The following DLGAP1 variants were observed in gnomAD, a reference collection of about 807,000 sequenced individuals.
The protein encoded by DLGAP1 is disks large-associated protein 1.
Under a neutral mutation model 90.8 loss-of-function variants are expected in DLGAP1, and 11 were observed. The observed-to-expected ratio is 0.12, with a 90% CI of 0.08 to 0.20. The LOEUF is 0.20. Ranked by LOEUF, DLGAP1 falls within the 10% of genes least tolerant of loss-of-function variation. DLGAP1 has a pLI of 1.00. For synonymous variants in DLGAP1, 558 were observed against 540.7 expected (o/e 1.03, Z -0.44); for missense variants, 1,050 against 1,333.8 (o/e 0.79, Z 3.31).
intron 3 of DLGAP1, chr18:3,977,951 A>G: frequency 2.8e-6 from 1 of 355,456 alleles, no homozygotes; most frequent in Non-Finnish European, 5.5e-6. Flanking sequence ...CATGCCAGTA[A>G]GCTTTCTATT....
rs1220390825 is a variant in DLGAP1, at chr18:3,694,918, A to G, written c.1591+34217T>C. Among the ~76,000 whole-genome samples the G allele has an allele frequency of 4.5e-5, 6 of 133,360 alleles. No individual in the cohort carries two copies. In the East Asian group the frequency reaches 1.0e-3, roughly 23 times the overall value. 87.5% of individuals were successfully genotyped at this position (133,360 alleles called of 152,430 possible). ...TTTGTCAATTTTGGCTTTTGTCCCTATTGCTTTTGGTGTTTTTTTTGTTTT... is the reference window on the plus strand; with the variant it reads ...TTTGTCAATTTTGGCTTTTGTCCCTGTTGCTTTTGGTGTTTTTTTTGTTTT... On this transcript the variant is annotated intron_variant, in intron 7 of 12. Coordinates refer to ENST00000315677, the MANE Select transcript of DLGAP1 (RefSeq NM_004746.4).
chr18:4,374,418 TACCCAG>T (rs1445657924), intron 1 of DLGAP1, among the ~76,000 whole-genome samples: 6 of 152,094 alleles, frequency 3.9e-5, no homozygotes, highest in African/African-American at 1.4e-4. Context: ...GTACTAGAGC[TACCCAG>T]AGATGAATGA....
At chr18:3,612,164 T>C (rs201978799) in intron 7 of DLGAP1, among the ~76,000 whole-genome samples, 3 of 152,376 alleles carry the variant, frequency 2.0e-5, no homozygotes, top group African/African-American at 7.2e-5. Flanking sequence ...GAGTCCAGCC[T>C]GGGCAACATA....
At chr18:4,381,334 C>A (rs1294931249) in intron 1 of DLGAP1, among the ~76,000 whole-genome samples, 2 of 152,094 alleles carry the variant, frequency 1.3e-5, no homozygotes, top group Non-Finnish European at 2.9e-5. Context: ...GCATTTACAT[C>A]ATATAATATA....
At chr18:3,873,511 A>G (rs986890823) in intron 4 of DLGAP1, among the ~76,000 whole-genome samples, 6 of 152,208 alleles carry the variant, frequency 3.9e-5, no homozygotes, top group Non-Finnish European at 5.9e-5. Flanking sequence ...AGTCATTAGC[A>G]GAACTGTTCA....
chr18:4,232,415 A>G (rs1322250257), intron 1 of DLGAP1, among the ~76,000 whole-genome samples: 1 of 152,142 alleles, frequency 6.6e-6, no homozygotes, highest in Non-Finnish European at 1.5e-5. Flanking sequence ...AAATGGTTAG[A>G]CTTGTTTTCT....
intron 7 of DLGAP1, among the ~76,000 whole-genome samples, chr18:3,588,718 T>G (rs1245216827): frequency 1.1e-4 from 16 of 147,964 alleles, no homozygotes; most frequent in African/African-American, 3.5e-4. Flanking sequence ...AGGCGGAGGT[T>G]GCAGTGAGCC....
At chr18:4,341,406 A>G (rs2081185263) in intron 1 of DLGAP1, among the ~76,000 whole-genome samples, 1 of 152,172 alleles carries the variant, frequency 6.6e-6, no homozygotes, top group Non-Finnish European at 1.5e-5. Context: ...AATGAACACC[A>G]TAGTAATCAA....
chr18:3,782,154 T>C (rs1312901351), intron 5 of DLGAP1, among the ~76,000 whole-genome samples: 2 of 152,016 alleles, frequency 1.3e-5, no homozygotes, highest in East Asian at 3.9e-4. Context: ...TTTTTTTTTT[T>C]TGGACAGAGC....
intron 7 of DLGAP1, chr18:3,593,624 G>C (rs188544118): frequency 6.6e-6 from 1 of 152,166 alleles, no homozygotes; most frequent in Non-Finnish European, 1.5e-5. Flanking sequence ...GAAATGGAGG[G>C]TAGTGTAATA....
At chr18:4,282,839 T>A (rs767966288) in intron 1 of DLGAP1, among the ~76,000 whole-genome samples, 1 of 152,198 alleles carries the variant, frequency 6.6e-6, no homozygotes, top group Non-Finnish European at 1.5e-5. Flanking sequence ...ATGGATATGA[T>A]CATAGCAAAT....
rs1433964173 is a variant in DLGAP1, at chr18:3,778,287, A to G, written c.1172+35772T>C. ...GAAACACCGTTTCTACTAAAAATAC[A>G]AAAGTTGGCTGGGCGTGGTGGCAGG... On this transcript the variant is annotated intron_variant, in intron 5 of 12. Transcript: ENST00000315677. 3.3e-5 allele frequency among the ~76,000 whole-genome samples: 5 copies of G among 152,228 alleles called. No individual in the cohort carries two copies. In the East Asian group the frequency reaches 9.7e-4, roughly 29 times the overall value.
intron 5 of DLGAP1, chr18:3,774,574 T>C (rs1568113531): frequency 6.6e-6 from 1 of 152,296 alleles, no homozygotes; most frequent in Non-Finnish European, 1.5e-5. Context: ...CTGGAGATGA[T>C]GTCTCTTATG....
chr18:3,780,790 T>C (rs1289624158), intron 5 of DLGAP1, among the ~76,000 whole-genome samples: 2 of 152,142 alleles, frequency 1.3e-5, no homozygotes, highest in African/African-American at 4.8e-5. Context: ...AATATCAATA[T>C]GGAAAAGGAT....
intron 9 of DLGAP1, among the ~76,000 whole-genome samples, chr18:3,541,812 C>T (rs1189116732): frequency 2.0e-5 from 3 of 151,928 alleles, no homozygotes; most frequent in Non-Finnish European, 4.4e-5. Context: ...GTTACGAAGG[C>T]TGTGAGCTTT....
intron 9 of DLGAP1, among the ~76,000 whole-genome samples, chr18:3,544,626 T>G (rs1473134271): frequency 6.6e-6 from 1 of 152,124 alleles, no homozygotes; most frequent in African/African-American, 2.4e-5. Context: ...CCTGAACCCT[T>G]GAAAATTTAT....
chr18:4,160,465 T>C (rs966734789), intron 1 of DLGAP1, among the ~76,000 whole-genome samples: 8 of 149,930 alleles, frequency 5.3e-5, no homozygotes, highest in African/African-American at 2.0e-4. Context: ...ACATTCTATA[T>C]GCCAGACTCT....
chr18:3,544,719 TTTTATTTATTTA>T (rs3072938), intron 9 of DLGAP1, among the ~76,000 whole-genome samples: 5 of 143,200 alleles, frequency 3.5e-5, no homozygotes, highest in African/African-American at 1.0e-4. Flanking sequence ...TGTACTTTGC[TTTTATTTATTTA>T]TTTATTTATT....
chr18:4,041,480 T>A (rs527803402), intron 2 of DLGAP1, among the ~76,000 whole-genome samples: 1 of 152,250 alleles, frequency 6.6e-6, no homozygotes, highest in African/African-American at 2.4e-5. Context: ...TAATGTTTCA[T>A]GTTTGAGCAT....
Sources: gnomAD v4.1 joint callset for allele counts (sites outside exome capture counted in the v4.1 genomes callset) on GRCh38, gnomAD v4.1.1 for gene constraint, MANE v1.5 for transcripts, NCBI Gene and HGNC (gene_info 2026-07-23, HGNC 2026-07-21) for gene names.